C5AR2: variants seen among roughly 807,000 people sequenced by gnomAD.
C5AR2 encodes complement C5a receptor 2.
For missense variants in C5AR2, 458 were observed against 467.5 expected, an observed-to-expected ratio of 0.98 and a Z score of 0.19; for synonymous variants, 224 against 216.5, an observed-to-expected ratio of 1.03 and a Z score of -0.30.
In C5AR2 at chr19:47,341,120, T is replaced by A. The variant is rs751775187; in HGVS notation, c.321T>A (p.Cys107Ter). ...ACTGGCCGTATGGTGCAGTGGGCTGTCGGGCGCTGCCCTCCATCATCCTGC... is the reference window on the plus strand; with the variant it reads ...ACTGGCCGTATGGTGCAGTGGGCTGACGGGCGCTGCCCTCCATCATCCTGC... ...GGHWPYGAVG[C>*]RALPSIILLT... is the part of the protein sequence containing the mutation. Residue 107 changes from cysteine to a stop codon, truncating the protein, a stop_gained, in exon 2 of 2, where the codon TGT becomes TGA. Coordinates refer to ENST00000595464, the MANE Select transcript of C5AR2 (RefSeq NM_001271749.2). LOFTEE classifies it low-confidence loss of function (END_TRUNC). The surrounding 1 kb of genome is among the most constrained non-coding windows in gnomAD (Gnocchi z 4.6). 1 of 1,603,132 alleles carries A rather than the reference T, an allele frequency of 6.2e-7. No individual in the cohort carries two copies. Among genetic ancestry groups the A allele is most frequent in the South Asian group, 1.1e-5 (1 of 91,086 alleles).
rs147408302 is a variant in C5AR2, at chr19:47,341,697, C to T, written c.898C>T (p.Arg300Cys). The T allele has an allele frequency of 1.7e-4, 273 of 1,614,070 alleles. No individual in the cohort carries two copies. The highest frequency in any genetic ancestry group is 7.4e-4 in the South Asian group (67 of 91,080). The change falls in exon 2 of 2, where the codon CGC becomes TGC. Residue 300 changes from arginine (R) to cysteine (C), a missense_variant. Arg to Cys is a radical substitution (Grantham distance 180, BLOSUM62 -3). Coordinates refer to ENST00000595464, the MANE Select transcript of C5AR2 (RefSeq NM_001271749.2). This position sits in a 1 kb window ranked among gnomAD's most constrained non-coding sequence, Gnocchi z 4.6. ...CCTGTATTTTGGGAGGGCTCAACTCCGCCGGTCACTGCCAGCTGCCTGTCA... is the reference window on the plus strand; with the variant it reads ...CCTGTATTTTGGGAGGGCTCAACTCTGCCGGTCACTGCCAGCTGCCTGTCA... ...LFLYFGRAQL[R>C]RSLPAACHWA...
At chr19:47,340,604 A>G (rs1189744983) in intron 1 of C5AR2, among the ~76,000 whole-genome samples, 181 bp from the exon 2 acceptor site, 2 of 152,044 alleles carry the variant, frequency 1.3e-5, no homozygotes, top group Non-Finnish European at 2.9e-5. Flanking sequence ...CAAAGTGTTA[A>G]GATTACAGGT....
At chr19:47,340,344 CA>C (rs1968991584) in intron 1 of C5AR2, among the ~76,000 whole-genome samples, 1 of 149,456 alleles carries the variant, frequency 6.7e-6, no homozygotes, top group East Asian at 2.0e-4. Context: ...TCTAGAATTC[CA>C]ATTTTTTTTT....
chr19:47,341,715 G>T lies in C5AR2; in HGVS notation c.916G>T (p.Ala306Ser). Residue 306 changes from alanine (A) to serine (S), a missense_variant, in exon 2 of 2, where the codon GCC becomes TCC. Physicochemically the swap from Ala to Ser is moderately conservative, Grantham distance 99. Transcript: ENST00000595464. This position sits in a 1 kb window ranked among gnomAD's most constrained non-coding sequence, Gnocchi z 4.6. ...TCAACTCCGCCGGTCACTGCCAGCT[G>T]CCTGTCACTGGGCCCTGAGGGAGTC... ...RAQLRRSLPAACHWALRESQG... is the reference protein window; with the variant it reads ...RAQLRRSLPASCHWALRESQG... The T allele has an allele frequency of 6.2e-7, 1 of 1,614,016 alleles. No homozygotes were observed. The highest frequency in any genetic ancestry group is 1.1e-5 in the South Asian group (1 of 91,086).
chr19:47,342,850 ATTTTGAAGG>A lies in C5AR2; in HGVS notation c.*1038_*1046del, dbSNP rs1044455382. 5.2e-5 allele frequency: 8 copies of A among 152,432 alleles called. No individual in the cohort carries two copies. The highest frequency in any genetic ancestry group is 1.9e-4 in the African/African-American group (8 of 41,554). The allele number at this position is 152,432 out of a possible 1,614,324, so 9.4% of individuals were successfully genotyped here. Reference sequence around the variant, plus strand: ...TGAGAGGCTGACAGGTCATGCATCTATTTTGAAGGAAAGGCCAAGTCCAGGCTCCTTAGC... The same window carrying A: ...TGAGAGGCTGACAGGTCATGCATCTAAAAGGCCAAGTCCAGGCTCCTTAGC... On this transcript the variant is annotated 3_prime_UTR_variant, in exon 2 of 2. Transcript: ENST00000595464.
chr19:47,332,846 G>T (rs887554205), intron 1 of C5AR2, among the ~76,000 whole-genome samples: 4 of 151,918 alleles, frequency 2.6e-5, no homozygotes, highest in Non-Finnish European at 5.9e-5. Context: ...GAGCCACTGT[G>T]CCCTGCCCAA....
Position 47,344,945 on chromosome 19 carries a change from G to C in C5AR2, c.*3132G>C, listed in dbSNP as rs1490752254. 2 of 151,750 alleles carry C rather than the reference G, an allele frequency of 1.3e-5. No homozygotes were observed. Among genetic ancestry groups the C allele is most frequent in the African/African-American group, 4.8e-5 (2 of 41,292 alleles). 9.4% of individuals were successfully genotyped at this position (151,750 alleles called of 1,614,324 possible). On this transcript the variant is annotated 3_prime_UTR_variant, in exon 2 of 2. Coordinates refer to ENST00000595464, the MANE Select transcript of C5AR2 (RefSeq NM_001271749.2). ...CTGCCACCACACTTGGCTAATTTTT[G>C]TATTTTTAGTAGAGACAGGGTTTCA...
rs1225191510 is a variant in C5AR2, at chr19:47,345,087, GAATAC to G, written c.*3275_*3279del. Reference sequence around the variant, plus strand: ...CGTTCCCGGCCTTATCCTTGACTTAGAATACCTAACCTCCTGGGAATGCAGCCCAT... The same window carrying G: ...CGTTCCCGGCCTTATCCTTGACTTAGCTAACCTCCTGGGAATGCAGCCCAT... On this transcript the variant is annotated 3_prime_UTR_variant, in exon 2 of 2. Transcript: ENST00000595464. The G allele has an allele frequency of 6.6e-6, 1 of 152,230 alleles. No homozygotes were observed. The highest frequency in any genetic ancestry group is 2.4e-5 in the African/African-American group (1 of 41,396). 9.4% of individuals were successfully genotyped at this position (152,230 alleles called of 1,614,324 possible).
At chr19:47,335,292 C>T (rs992992841) in intron 1 of C5AR2, among the ~76,000 whole-genome samples, 15 of 151,852 alleles carry the variant, frequency 9.9e-5, no homozygotes, top group East Asian at 5.8e-4. Flanking sequence ...GCTTTGAGGA[C>T]GAATGGGGTT....
chr19:47,334,815 C>T (rs2059351300), intron 1 of C5AR2, among the ~76,000 whole-genome samples: 1 of 151,888 alleles, frequency 6.6e-6, no homozygotes, highest in South Asian at 2.1e-4. Context: ...ACCTCACGGG[C>T]GTAGCCTACC....
chr19:47,339,253 G>A (rs190725527), intron 1 of C5AR2, among the ~76,000 whole-genome samples: 13 of 152,194 alleles, frequency 8.5e-5, no homozygotes, highest in African/African-American at 2.6e-4. Context: ...ATGTCCTTGC[G>A]TTGCCCACGT....
At position 47,344,875 on chromosome 19, in the gene C5AR2, G is replaced by A. The variant is rs1374019867; in HGVS notation, c.*3062G>A. 1 of 152,170 alleles carries A rather than the reference G, an allele frequency of 6.6e-6. No homozygotes were observed. The highest frequency in any genetic ancestry group is 1.5e-5 in the Non-Finnish European group (1 of 68,050). The allele number at this position is 152,170 out of a possible 1,614,324, so 9.4% of individuals were successfully genotyped here. ...CGCAACCTCCACCTCCCGGGTTCAA[G>A]CGATTCTTATGCCTCAGCCTCCCGA... On this transcript the variant is annotated 3_prime_UTR_variant, in exon 2 of 2. Transcript: ENST00000595464.
intron 1 of C5AR2, among the ~76,000 whole-genome samples, chr19:47,339,226 A>T (rs187980424): frequency 7.4e-4 from 113 of 152,222 alleles, no homozygotes; most frequent in African/African-American, 2.6e-3. Flanking sequence ...CACCTGTCTC[A>T]TTTGGAATAA....
chr19:47,343,918 T>C lies in C5AR2; in HGVS notation c.*2105T>C, dbSNP rs1599744225. The C allele has an allele frequency of 1.3e-5, 2 of 152,192 alleles. 1 individual carries two copies. The highest frequency in any genetic ancestry group is 3.8e-4 in the East Asian group (2 of 5,204). 9.4% of individuals were successfully genotyped at this position (152,192 alleles called of 1,614,324 possible). ...CACTGGCCATAGTTCAAGTGCTCAG[T>C]AGCCACATATGGCTGGTGACTGCCA... is the stretch of plus-strand genomic sequence containing the variant. On this transcript the variant is annotated 3_prime_UTR_variant, in exon 2 of 2. Transcript: ENST00000595464.
rs1361387293 is a variant in C5AR2 at position 47,341,329 on chromosome 19, A to G, written c.530A>G (p.Gln177Arg). The G allele has an allele frequency of 6.2e-7, 1 of 1,611,548 alleles. No homozygotes were observed. The highest frequency in any genetic ancestry group is 1.1e-5 in the South Asian group (1 of 91,070). Residue 177 changes from glutamine (Q) to arginine (R), a missense_variant, in exon 2 of 2, where the codon CAG (glutamine) becomes CGG (arginine). Gln to Arg is a conservative substitution (Grantham distance 43). Transcript: ENST00000595464. This position sits in a 1 kb window ranked among gnomAD's most constrained non-coding sequence, Gnocchi z 4.6. ...TCCGCCATCTACCGCCGGCTGCACC[A>G]GGAGCACTTCCCAGCCCGGCTGCAG... is the stretch of plus-strand genomic sequence containing the variant. ...VPSAIYRRLH[Q>R]EHFPARLQCV...
Position 47,341,775 on chromosome 19 carries a change from T to A in C5AR2, c.976T>A (p.Ser326Thr). 1 of 1,613,190 alleles carries A rather than the reference T, an allele frequency of 6.2e-7. No homozygotes were observed. The part of the protein sequence containing the change: ...GQDESVDSKK[S>T]TSHDLVSEME... ...GGACGAAAGTGTGGACAGCAAGAAATCCACCAGCCATGACCTGGTCTCGGA... is the reference window on the plus strand; with the variant it reads ...GGACGAAAGTGTGGACAGCAAGAAAACCACCAGCCATGACCTGGTCTCGGA... Residue 326 changes from serine (S) to threonine (T), a missense_variant, in exon 2 of 2, where the codon TCC (serine) becomes ACC (threonine). Ser to Thr is a moderately conservative substitution (Grantham distance 58). Transcript: ENST00000595464. The surrounding 1 kb of genome is among the most constrained non-coding windows in gnomAD (Gnocchi z 4.6).
Position 47,341,112 on chromosome 19 carries a change from G to C in C5AR2, c.313G>C (p.Val105Leu), listed in dbSNP as rs766549998. 3 of 1,603,744 alleles carry C rather than the reference G, an allele frequency of 1.9e-6. No individual in the cohort carries two copies. The South Asian group carries it at 3.3e-5, about 18-fold the overall frequency. ...ARGGHWPYGAVGCRALPSIIL... is the reference protein window; with the variant it reads ...ARGGHWPYGALGCRALPSIIL... ...TGGAGGCCACTGGCCGTATGGTGCA[G>C]TGGGCTGTCGGGCGCTGCCCTCCAT... Residue 105 changes from valine to leucine, a missense_variant, in exon 2 of 2, where the codon GTG (valine) becomes CTG (leucine). Coordinates refer to ENST00000595464, the MANE Select transcript of C5AR2 (RefSeq NM_001271749.2). The surrounding 1 kb of genome is among the most constrained non-coding windows in gnomAD (Gnocchi z 4.6).
At chr19:47,335,202 T>C (rs1166884398) in intron 1 of C5AR2, among the ~76,000 whole-genome samples, 1 of 152,010 alleles carries the variant, frequency 6.6e-6, no homozygotes, top group Non-Finnish European at 1.5e-5. Flanking sequence ...GCCCTGTTTC[T>C]CATTATTCTC....
intron 1 of C5AR2, among the ~76,000 whole-genome samples, chr19:47,333,212 C>T (rs1325597873): frequency 6.6e-6 from 1 of 150,582 alleles, no homozygotes. Context: ...ACCATGTTGG[C>T]CAGGCTGGTC....
Sources: allele counts gnomAD v4.1 joint callset (sites outside exome capture counted in the v4.1 genomes callset), GRCh38; gene constraint gnomAD v4.1.1; non-coding constraint Gnocchi (gnomAD v3.1); transcripts MANE v1.5; gene names NCBI Gene and HGNC (gene_info 2026-07-23, HGNC 2026-07-21).